SLFN12L: variants seen among roughly 807,000 people sequenced by gnomAD.
SLFN12L encodes schlafen family member 12-like.
SLFN12L carries 34 observed loss-of-function variants against 34.8 expected under a neutral mutation model. The ratio of observed to expected loss-of-function variants is 0.98; its 90% CI spans 0.74 to 1.30. The LOEUF (loss-of-function observed/expected upper bound fraction) is 1.30, where lower values mean the gene tolerates loss of function less well. Ranked by LOEUF, SLFN12L falls within the 50% of genes most tolerant of loss-of-function variation. SLFN12L has a pLI of 0.00. For missense variants in SLFN12L, 703 were observed against 696.2 expected (o/e 1.01, Z -0.11); for synonymous variants, 259 against 247.5 (o/e 1.05, Z -0.44).
At chr17:35,511,189 T>G (rs571696889) in intron 2 of SLFN12L, among the ~76,000 whole-genome samples, 1 of 152,350 alleles carries the variant, frequency 6.6e-6, no homozygotes, top group Non-Finnish European at 1.5e-5. Flanking sequence ...ATCCCTTTAA[T>G]AGTCACTTAA....
chr17:35,479,361 T>C lies in SLFN12L; in HGVS notation c.921A>G (p.Lys307=), dbSNP rs771682997. ...SYLTKLEEVT[K]NSIGKLPVHH... Reference sequence around the variant, plus strand: ...GCACAGGCAGTTTCCCAATGGAATTTTTTGTTACTTCTTCTAACTTAGTAA... The same window carrying C: ...GCACAGGCAGTTTCCCAATGGAATTCTTTGTTACTTCTTCTAACTTAGTAA... Residue 307 remains lysine, a synonymous_variant, in exon 3 of 5, where the codon AAA becomes AAG. Coordinates refer to ENST00000628453, the MANE Select transcript of SLFN12L (RefSeq NM_001363830.2). The C allele has an allele frequency of 6.3e-7, 1 of 1,595,534 alleles. No homozygotes were observed. The highest frequency in any genetic ancestry group is 1.1e-5 in the South Asian group (1 of 89,174).
At chr17:35,476,734 G>A (rs1309370891) in intron 4 of SLFN12L, among the ~76,000 whole-genome samples, 1 of 150,186 alleles carries the variant, frequency 6.7e-6, no homozygotes, top group East Asian at 2.0e-4. Flanking sequence ...ACCTAGAAAA[G>A]CATAAAACAA....
intron 2 of SLFN12L, among the ~76,000 whole-genome samples, chr17:35,497,299 G>A (rs1410674923): frequency 6.6e-6 from 1 of 152,154 alleles, no homozygotes; most frequent in Non-Finnish European, 1.5e-5. Flanking sequence ...GCTGAGGCAG[G>A]AGAATCGCTT....
At position 35,469,140 on chromosome 17, in the gene SLFN12L, C is replaced by G. The variant is rs1354322526; in HGVS notation, c.*5783G>C. ...TCCCCAGTGCCTACCCCTACTACCC[C>G]CTCAAGCTTTCCCCCGTGACTTCCT... On this transcript the variant is annotated 3_prime_UTR_variant, in exon 5 of 5. Coordinates refer to ENST00000628453, the MANE Select transcript of SLFN12L (RefSeq NM_001363830.2). Among the ~76,000 whole-genome samples the G allele has an allele frequency of 6.6e-6, 1 of 151,236 alleles. No homozygotes were observed. The highest frequency in any genetic ancestry group is 6.6e-5 in the Admixed American group (1 of 15,174).
chr17:35,480,464 A>G (rs1463780780), intron 2 of SLFN12L: 2 of 324,432 alleles, frequency 6.2e-6, no homozygotes, highest in African/African-American at 2.1e-5. Flanking sequence ...GTCCTTTCTC[A>G]TCACTAATAT....
At position 35,470,046 on chromosome 17, in the gene SLFN12L, G is replaced by A. The variant is rs1402735086; in HGVS notation, c.*4877C>T. 6.6e-6 allele frequency: 1 copy of A among 152,184 alleles called. No homozygotes were observed. Among genetic ancestry groups the A allele is most frequent in the African/African-American group, 2.4e-5 (1 of 41,448 alleles). 9.4% of individuals were successfully genotyped at this position (152,184 alleles called of 1,614,324 possible). The stretch of plus-strand genomic sequence containing the variant: ...TTCTCTTGGAACTATAAGTAATAAA[G>A]TCTTTTTTCAATGGCGCTAGTCCAT... On this transcript the variant is annotated 3_prime_UTR_variant, in exon 5 of 5. Coordinates refer to ENST00000628453, the MANE Select transcript of SLFN12L (RefSeq NM_001363830.2).
At position 35,479,793 on chromosome 17, in the gene SLFN12L, C is replaced by A. The variant is rs12451876; in HGVS notation, c.489G>T (p.Thr163=). 1.7e-3 allele frequency: 2,785 copies of A among 1,612,242 alleles called. 4 individuals carry two copies. The highest frequency in any genetic ancestry group is 1.8e-3 in the Non-Finnish European group (2,077 of 1,178,906). ...SLETSGPQIA[T]LSSSLYKRDV... ...CTCTCTTGTACAAACTGGAGCTCAA[C>A]GTGGCAATCTGCGGACCAGAGGTTT... is the stretch of plus-strand genomic sequence containing the variant. The change falls in exon 3 of 5, where the codon ACG becomes ACT. Residue 163 remains threonine, a synonymous_variant. Transcript: ENST00000628453.
At position 35,487,687 on chromosome 17, in the gene SLFN12L, A is replaced by G. The variant is rs373071126; in HGVS notation, c.87-7492T>C. The G allele has an allele frequency of 1.5e-4, 231 of 1,521,864 alleles. 1 individual carries two copies. In the African/African-American group the frequency reaches 2.8e-3, roughly 19 times the overall value. 94.3% of individuals were successfully genotyped at this position (1,521,864 alleles called of 1,614,324 possible). On this transcript the variant is annotated intron_variant, in intron 2 of 4. Coordinates refer to ENST00000628453, the MANE Select transcript of SLFN12L (RefSeq NM_001363830.2). Reference sequence around the variant, plus strand: ...CGTCTGTACCTATTTGTATTTTCTAAGGCGAAAAAAAAGTTATTTAAAGAA... The same window carrying G: ...CGTCTGTACCTATTTGTATTTTCTAGGGCGAAAAAAAAGTTATTTAAAGAA...
At chr17:35,480,221 G>A (rs1462301561) in intron 2 of SLFN12L, 26 bp from the exon 3 acceptor site, 1 of 1,505,038 alleles carries the variant, frequency 6.6e-7, no homozygotes, top group East Asian at 2.4e-5. Context: ...GTTAGAATAG[G>A]AGTTAAGCCT....
chr17:35,481,733 G>A (rs1914347126), intron 2 of SLFN12L, among the ~76,000 whole-genome samples: 3 of 152,086 alleles, frequency 2.0e-5, no homozygotes, highest in Admixed American at 2.0e-4. Flanking sequence ...ATATCTCTTT[G>A]TCCTGTGTCT....
At chr17:35,527,830 A>G (rs2072353162) in intron 1 of SLFN12L, among the ~76,000 whole-genome samples, 1 of 152,208 alleles carries the variant, frequency 6.6e-6, no homozygotes, top group Non-Finnish European at 1.5e-5. Context: ...CCTAGTCAAC[A>G]TAGTATTGGA....
intron 1 of SLFN12L, among the ~76,000 whole-genome samples, chr17:35,530,421 GGAA>G (rs1333367210): frequency 0.12 from 1,160 of 9,866 alleles, 260 homozygotes; most frequent in Admixed American, 0.2. Context: ...AAGGAAGGAA[GGAA>G]GGAAGGGAAG....
intron 2 of SLFN12L, among the ~76,000 whole-genome samples, chr17:35,516,395 C>T (rs1432842681): frequency 6.6e-6 from 1 of 152,242 alleles, no homozygotes; most frequent in African/African-American, 2.4e-5. Context: ...CTAACCAGTT[C>T]TGCCTTTCCA....
rs558190343 is a variant in SLFN12L at position 35,475,276 on chromosome 17, G to A, written c.1486C>T (p.Pro496Ser). 8.1e-6 allele frequency: 13 copies of A among 1,614,146 alleles called. No individual in the cohort carries two copies. Among genetic ancestry groups the A allele is most frequent in the African/African-American group, 6.7e-5 (5 of 75,034 alleles). ...DALLISQDKP[P>S]VLYTFHMVQD... The stretch of plus-strand genomic sequence containing the variant: ...ACCATGTGGAAGGTGTATAGGACTG[G>A]AGGCTTGTCCTGGGAAATCAGAAGA... The change falls in exon 5 of 5, where the codon CCA (proline) becomes TCA (serine). Residue 496 changes from proline to serine, a missense_variant. By Grantham distance (74) the Pro-to-Ser change is moderately conservative. Coordinates refer to ENST00000628453, the MANE Select transcript of SLFN12L (RefSeq NM_001363830.2).
intron 2 of SLFN12L, among the ~76,000 whole-genome samples, chr17:35,498,025 T>C (rs1915149905): frequency 6.6e-6 from 1 of 152,000 alleles, no homozygotes; most frequent in Non-Finnish European, 1.5e-5. Context: ...CTCTAAAAAA[T>C]AATAATAATT....
chr17:35,520,878 A>G (rs577430755), intron 2 of SLFN12L, among the ~76,000 whole-genome samples: 7 of 152,292 alleles, frequency 4.6e-5, no homozygotes, highest in African/African-American at 1.4e-4. Flanking sequence ...TGCTGAATAT[A>G]TATACTGCCC....
chr17:35,493,224 C>A (rs1340854751), intron 2 of SLFN12L, among the ~76,000 whole-genome samples: 1 of 152,170 alleles, frequency 6.6e-6, no homozygotes, highest in East Asian at 1.9e-4. Context: ...TCAGTGTGGT[C>A]CTAGAGGAAG....
At chr17:35,528,223 A>T (rs2072357212) in intron 1 of SLFN12L, among the ~76,000 whole-genome samples, 1 of 152,234 alleles carries the variant, frequency 6.6e-6, no homozygotes, top group Admixed American at 6.5e-5. Flanking sequence ...ATGGAAAAAC[A>T]TTCCATGCTC....
At chr17:35,483,445 T>A (rs1914433837) in intron 2 of SLFN12L, among the ~76,000 whole-genome samples, 1 of 152,168 alleles carries the variant, frequency 6.6e-6, no homozygotes. Flanking sequence ...GCTCACCCCT[T>A]CTGCCATATG....
Sources: allele counts gnomAD v4.1 joint callset (sites outside exome capture counted in the v4.1 genomes callset), GRCh38; gene constraint gnomAD v4.1.1; transcripts MANE v1.5; gene names NCBI Gene and HGNC (gene_info 2026-07-23, HGNC 2026-07-21).